The following TENM3 variants were observed in gnomAD, a reference collection of about 807,000 sequenced individuals.
TENM3 encodes teneurin transmembrane protein 3, also known as teneurin-3.
Under a neutral mutation model 255.1 loss-of-function variants are expected in TENM3, and 63 were observed. The observed-to-expected ratio is 0.25, with a 90% confidence interval of 0.20 to 0.30. TENM3 has a LOEUF of 0.30. TENM3 is among the 10% of genes least tolerant of loss of function. The probability of loss-of-function intolerance (pLI) is 1.00; values close to 1 mark genes in which losing one functional copy is unlikely to be tolerated. For missense variants in TENM3, 2,929 were observed against 3,461.1 expected (o/e 0.85, Z 3.86); for synonymous variants, 1,306 against 1,322.3 (o/e 0.99, Z 0.27).
At chr4:182,309,493 T>C (rs73869924) in intron 1 of TENM3, among the ~76,000 whole-genome samples, 1,794 of 152,282 alleles carry the variant, frequency 0.012, 44 homozygotes, top group African/African-American at 0.041. Context: ...GTCTGGAGAC[T>C]CTTCATCAGT....
the TENM3 span, among the ~76,000 whole-genome samples, chr4:182,030,398 C>T: frequency 5.3e-5 from 8 of 152,090 alleles, no homozygotes; most frequent in South Asian, 6.2e-4. Flanking sequence ...CCCTGTCCTG[C>T]AAAAGACATG....
chr4:182,795,583 G>GCC (rs1367920278), intron 26 of TENM3, among the ~76,000 whole-genome samples: 1 of 152,218 alleles, frequency 6.6e-6, no homozygotes, highest in African/African-American at 2.4e-5. Flanking sequence ...AATGAGGTGA[G>GCC]AGTCTGTGCC....
chr4:182,403,218 T>G (rs1234259995), intron 3 of TENM3, among the ~76,000 whole-genome samples: 1 of 152,208 alleles, frequency 6.6e-6, no homozygotes, highest in East Asian at 1.9e-4. Flanking sequence ...AGAATAAGAT[T>G]TCTCCAGTAA....
chr4:182,100,592 T>TATATATACAC, the TENM3 span, among the ~76,000 whole-genome samples: 1 of 54,048 alleles, frequency 1.9e-5, no homozygotes, highest in African/African-American at 8.0e-5. Context: ...TATATACACA[T>TATATATACAC]ATATACACAT....
At chr4:181,900,891 AGGC>A in the TENM3 span, among the ~76,000 whole-genome samples, 1 of 152,188 alleles carries the variant, frequency 6.6e-6, no homozygotes, top group African/African-American at 2.4e-5. Flanking sequence ...GTTCAATGAG[AGGC>A]ATCTATTTCT....
At chr4:182,327,042 G>T (rs1402517333) in intron 2 of TENM3, among the ~76,000 whole-genome samples, 2 of 152,148 alleles carry the variant, frequency 1.3e-5, no homozygotes, top group Non-Finnish European at 2.9e-5. Flanking sequence ...GTAGGTGTAG[G>T]AGAGAAACGA....
At chr4:182,571,357 C>G (rs1364057043) in intron 3 of TENM3, among the ~76,000 whole-genome samples, 1 of 152,114 alleles carries the variant, frequency 6.6e-6, no homozygotes, top group Non-Finnish European at 1.5e-5. Context: ...AAAACCCTGT[C>G]TTTTCAAAAA....
chr4:182,515,097 T>G (rs1310400735), intron 3 of TENM3, among the ~76,000 whole-genome samples: 1 of 152,220 alleles, frequency 6.6e-6, no homozygotes, highest in Non-Finnish European at 1.5e-5. Flanking sequence ...AAGCCGTCAC[T>G]GATGATAAGT....
At chr4:182,725,636 C>CTTTTT (rs5864795) in intron 13 of TENM3, among the ~76,000 whole-genome samples, 62 of 133,650 alleles carry the variant, frequency 4.6e-4, no homozygotes, top group East Asian at 8.5e-4. Flanking sequence ...TCTTTTTTTT[C>CTTTTT]TTTTTTTTTT....
the TENM3 span, among the ~76,000 whole-genome samples, chr4:182,089,938 C>T: frequency 6.6e-6 from 1 of 152,112 alleles, no homozygotes; most frequent in Non-Finnish European, 1.5e-5. Context: ...AAGTTTAATA[C>T]TTTATATATG....
the TENM3 span, among the ~76,000 whole-genome samples, chr4:181,963,751 G>A: frequency 6.6e-6 from 1 of 152,308 alleles, no homozygotes; most frequent in East Asian, 1.9e-4. Flanking sequence ...GGCTTGGTGA[G>A]AAGAGATAAT....
At chr4:181,563,838 G>T in the TENM3 span, among the ~76,000 whole-genome samples, 1 of 151,990 alleles carries the variant, frequency 6.6e-6, no homozygotes, top group Non-Finnish European at 1.5e-5. Context: ...CCATACAATA[G>T]CTCATACAAT....
chr4:182,564,143 C>T (rs1340238467), intron 3 of TENM3, among the ~76,000 whole-genome samples: 2 of 152,084 alleles, frequency 1.3e-5, no homozygotes, highest in African/African-American at 4.8e-5. Context: ...GATTTTCCTG[C>T]CTTTTTGAAC....
intron 3 of TENM3, among the ~76,000 whole-genome samples, chr4:182,473,646 C>T (rs1733379255): frequency 6.6e-6 from 1 of 152,062 alleles, no homozygotes; most frequent in African/African-American, 2.4e-5. Context: ...GCACTCCAGC[C>T]TGGGCGACAG....
At chr4:182,632,337 G>A (rs1248597241) in intron 5 of TENM3, among the ~76,000 whole-genome samples, 1 of 152,170 alleles carries the variant, frequency 6.6e-6, no homozygotes, top group Non-Finnish European at 1.5e-5. Context: ...GATGTTTGCT[G>A]TACCACAGAG....
chr4:182,539,271 G>C (rs564606885), intron 3 of TENM3, among the ~76,000 whole-genome samples: 50 of 151,728 alleles, frequency 3.3e-4, no homozygotes, highest in Non-Finnish European at 4.4e-4. Context: ...CTAATCAGTG[G>C]TGTAGAAAAC....
chr4:182,068,244 G>A, the TENM3 span, among the ~76,000 whole-genome samples: 1 of 152,122 alleles, frequency 6.6e-6, no homozygotes, highest in South Asian at 2.1e-4. Context: ...AGAGTGAGCA[G>A]GGCAAAGACA....
At chr4:182,542,463 A>G (rs1740978693) in intron 3 of TENM3, among the ~76,000 whole-genome samples, 1 of 152,164 alleles carries the variant, frequency 6.6e-6, no homozygotes, top group African/African-American at 2.4e-5. Flanking sequence ...CAAATTCTTG[A>G]AGGAGATGTT....
chr4:181,725,298 T>C, the TENM3 span, among the ~76,000 whole-genome samples: 1 of 152,192 alleles, frequency 6.6e-6, no homozygotes, highest in Non-Finnish European at 1.5e-5. Context: ...GTATTGAAAA[T>C]ACACATGCAA....
Sources: allele counts gnomAD v4.1 joint callset (sites outside exome capture counted in the v4.1 genomes callset), GRCh38; gene constraint gnomAD v4.1.1; transcripts MANE v1.5; gene names NCBI Gene and HGNC (gene_info 2026-07-23, HGNC 2026-07-21).